GPR137B: variants seen among roughly 807,000 people sequenced by gnomAD.
GPR137B encodes G protein-coupled receptor 137B.
GPR137B carries 42 observed loss-of-function variants against 42.5 expected under a neutral mutation model. The ratio of observed to expected loss-of-function variants is 0.99; its 90% CI spans 0.77 to 1.28. The LOEUF is 1.28. GPR137B is among the 50% of genes most tolerant of loss of function. GPR137B has a pLI of 0.00. For synonymous variants in GPR137B, 218 were observed against 209.7 expected, an observed-to-expected ratio of 1.04 and a Z score of -0.34; for missense variants, 487 against 493.9, an observed-to-expected ratio of 0.99 and a Z score of 0.13.
At position 236,183,657 on chromosome 1, in the gene GPR137B, A is replaced by C. The variant is rs989310655; in HGVS notation, c.838-121A>C. 6 of 626,998 alleles carry C rather than the reference A, an allele frequency of 9.6e-6. 1 individual carries two copies. Among genetic ancestry groups the C allele is most frequent in the Non-Finnish European group, 1.6e-5 (6 of 368,768 alleles). The allele number at this position is 626,998 out of a possible 1,614,324, so 38.8% of individuals were successfully genotyped here. A position where few individuals can be genotyped will look rare whatever the true frequency, so the allele number is the denominator to read the frequency against. On this transcript the variant is annotated intron_variant, in intron 4 of 6. Coordinates refer to ENST00000366592, the MANE Select transcript of GPR137B (RefSeq NM_003272.4). ...TAGTATATTCGGTAGTACATTCTAA[A>C]ATATAGGGGAATGAATTGTACTAGA...
intron 2 of GPR137B, among the ~76,000 whole-genome samples, chr1:236,172,435 A>G (rs947836333): frequency 2.6e-5 from 4 of 152,224 alleles, no homozygotes; most frequent in African/African-American, 9.6e-5. Context: ...AAGATAATTT[A>G]TATTTAACTC....
At chr1:236,180,333 G>A (rs1373497952) in intron 4 of GPR137B, 3 of 269,226 alleles carry the variant, frequency 1.1e-5, no homozygotes, top group African/African-American at 2.3e-5. Flanking sequence ...TCCGTGGATG[G>A]TTGAGTCTGC....
At chr1:236,168,679 A>G (rs756683017) in intron 1 of GPR137B, 27 bp from the exon 2 acceptor site, 2 of 1,600,182 alleles carry the variant, frequency 1.2e-6, no homozygotes, top group Non-Finnish European at 1.7e-6. Flanking sequence ...TTGGACCCCA[A>G]CCTGCCATGC....
chr1:236,201,316 T>G (rs1432641314), intron 5 of GPR137B, among the ~76,000 whole-genome samples: 2 of 152,118 alleles, frequency 1.3e-5, no homozygotes, highest in Non-Finnish European at 2.9e-5. Context: ...TGTATTTGGA[T>G]GTCTAGATCT....
intron 5 of GPR137B, among the ~76,000 whole-genome samples, chr1:236,196,658 C>G (rs1402643585): frequency 6.6e-6 from 1 of 152,084 alleles, no homozygotes; most frequent in East Asian, 1.9e-4. Context: ...TGCTCTTATC[C>G]CTTTGCATCT....
chr1:236,192,989 G>T (rs1179141717), intron 5 of GPR137B, among the ~76,000 whole-genome samples: 1 of 151,926 alleles, frequency 6.6e-6, no homozygotes, highest in Non-Finnish European at 1.5e-5. Context: ...CTGCCTCCTG[G>T]GTTCAAGCGA....
intron 1 of GPR137B, among the ~76,000 whole-genome samples, chr1:236,148,831 G>A (rs1048278157): frequency 1.3e-5 from 2 of 152,164 alleles, no homozygotes; most frequent in Admixed American, 6.5e-5. Flanking sequence ...TGAGGAGGCA[G>A]CCCTGGGAGT....
intron 2 of GPR137B, among the ~76,000 whole-genome samples, chr1:236,170,503 A>T (rs907387243): frequency 6.6e-6 from 1 of 151,972 alleles, no homozygotes; most frequent in African/African-American, 2.4e-5. Flanking sequence ...GTCTCCCTTC[A>T]CTGCTTTGTA....
intron 5 of GPR137B, among the ~76,000 whole-genome samples, chr1:236,192,644 T>C (rs539382872): frequency 5.3e-5 from 8 of 152,182 alleles, no homozygotes; most frequent in Admixed American, 4.6e-4. Context: ...CCCACCCTGC[T>C]TCGGCTCACC....
intron 5 of GPR137B, among the ~76,000 whole-genome samples, chr1:236,196,509 CA>C (rs1663337726): frequency 6.6e-6 from 1 of 152,088 alleles, no homozygotes; most frequent in Non-Finnish European, 1.5e-5. Context: ...AGTGTTTGGT[CA>C]CATGGAAAAG....
chr1:236,188,306 GCTTT>G (rs1329908905), intron 5 of GPR137B, among the ~76,000 whole-genome samples: 3 of 152,070 alleles, frequency 2.0e-5, no homozygotes, highest in Non-Finnish European at 2.9e-5. Flanking sequence ...ATTTCAATAT[GCTTT>G]CTTTCTTTCT....
At chr1:236,176,857 G>A (rs1662704080) in intron 2 of GPR137B, among the ~76,000 whole-genome samples, 1 of 152,074 alleles carries the variant, frequency 6.6e-6, no homozygotes, top group Non-Finnish European at 1.5e-5. Context: ...TTCTGTCTAG[G>A]GAGACGCAGG....
At chr1:236,158,329 G>A (rs1662092476) in intron 1 of GPR137B, among the ~76,000 whole-genome samples, 1 of 152,158 alleles carries the variant, frequency 6.6e-6, no homozygotes, top group Admixed American at 6.5e-5. Context: ...GGAGGCTGAG[G>A]CACGAGAATC....
intron 6 of GPR137B, among the ~76,000 whole-genome samples, chr1:236,206,140 T>C (rs1213178837): frequency 6.6e-6 from 1 of 152,256 alleles, no homozygotes; most frequent in Non-Finnish European, 1.5e-5. Context: ...TAATAAATAC[T>C]TCTATAGCAT....
intron 1 of GPR137B, among the ~76,000 whole-genome samples, chr1:236,158,972 A>G (rs1662109295): frequency 6.6e-6 from 1 of 152,204 alleles, no homozygotes; most frequent in Non-Finnish European, 1.5e-5. Context: ...TGCTGACTGC[A>G]CAGGAGACAC....
chr1:236,187,482 T>C (rs1406254178), intron 5 of GPR137B, among the ~76,000 whole-genome samples: 1 of 152,206 alleles, frequency 6.6e-6, no homozygotes, highest in African/African-American at 2.4e-5. Flanking sequence ...TTTAAGTCTT[T>C]AATCCATCTT....
At chr1:236,167,720 A>G (rs1273837384) in intron 1 of GPR137B, among the ~76,000 whole-genome samples, 2 of 152,136 alleles carry the variant, frequency 1.3e-5, no homozygotes, top group African/African-American at 2.4e-5. Flanking sequence ...ACTGCTCCAC[A>G]GGCTACCCTA....
intron 1 of GPR137B, among the ~76,000 whole-genome samples, chr1:236,157,101 T>C (rs1308189302): frequency 1.3e-5 from 2 of 152,142 alleles, no homozygotes; most frequent in Non-Finnish European, 2.9e-5. Context: ...GCTGGTGTTA[T>C]TAGTCTCATT....
At chr1:236,168,851 T>C (rs990089707) in intron 2 of GPR137B, 96 bp downstream of exon 2, 6 of 926,016 alleles carry the variant, frequency 6.5e-6, no homozygotes, top group African/African-American at 4.8e-5. Context: ...ATCGCTGTTC[T>C]GTGAGCCGCC....
Sources: allele counts gnomAD v4.1 joint callset (sites outside exome capture counted in the v4.1 genomes callset), GRCh38; gene constraint gnomAD v4.1.1; transcripts MANE v1.5; gene names NCBI Gene and HGNC (gene_info 2026-07-23, HGNC 2026-07-21).